The following PRRG1 variants were observed in gnomAD, a reference collection of about 807,000 sequenced individuals.
PRRG1 encodes the protein transmembrane gamma-carboxyglutamic acid protein 1.
Under a neutral mutation model 11.8 loss-of-function variants are expected in PRRG1, and 5 were observed. That is an observed-to-expected ratio of 0.42 (90% CI 0.22 to 0.89). The LOEUF (loss-of-function observed/expected upper bound fraction) is 0.89, where lower values mean the gene tolerates loss of function less well. Ranked by LOEUF, PRRG1 falls within the 40% of genes least tolerant of loss-of-function variation. The pLI, the probability that PRRG1 is intolerant of heterozygous loss-of-function variation, is 0.28. For synonymous variants in PRRG1, 66 were observed against 60.4 expected (o/e 1.09, Z -0.43); for missense variants, 155 against 166.1 (o/e 0.93, Z 0.37).
chrX:37,352,243 C>T (rs1930091908), intron 1 of PRRG1, among the ~76,000 whole-genome samples: 1 of 112,819 alleles, frequency 8.9e-6, no homozygotes, highest in Non-Finnish European at 1.9e-5. Context: ...GTCTAGCCTT[C>T]TGTGCCTGCA....
intron 1 of PRRG1, among the ~76,000 whole-genome samples, chrX:37,389,269 G>A (rs1931443822): frequency 9.0e-6 from 1 of 111,579 alleles, no homozygotes; most frequent in Non-Finnish European, 1.9e-5. Context: ...TTCCACCTCT[G>A]CCCATTACCT....
chrX:37,433,145 G>A (rs1016332503), intron 3 of PRRG1, among the ~76,000 whole-genome samples: 1 of 111,712 alleles, frequency 9.0e-6, no homozygotes, highest in Non-Finnish European at 1.9e-5. Context: ...CAAAACAGCA[G>A]GTTAGAGTGA....
Position 37,455,500 on chromosome X carries a change from G to A in PRRG1, c.*1879G>A, listed in dbSNP as rs369058849. Reference sequence around the variant, plus strand: ...AACATATTCCTAATCTGAGTGTGTGGGCTGTTAGAGAACCCCTGCCATGCT... The same window carrying A: ...AACATATTCCTAATCTGAGTGTGTGAGCTGTTAGAGAACCCCTGCCATGCT... On this transcript the variant is annotated 3_prime_UTR_variant, in exon 4 of 4. Transcript: ENST00000378628. 2.9e-4 allele frequency: 32 copies of A among 111,944 alleles called. 1 individual carries two copies. In the East Asian group the frequency reaches 3.9e-3, roughly 14 times the overall value. 9.2% of individuals were successfully genotyped at this position (111,944 alleles called of 1,213,427 possible).
intron 1 of PRRG1, among the ~76,000 whole-genome samples, chrX:37,400,330 A>G (rs1931922840): frequency 8.9e-6 from 1 of 111,823 alleles, no homozygotes; most frequent in African/African-American, 3.3e-5. Context: ...TAAGAAACAC[A>G]CTCAAAACCG....
At chrX:37,407,006 C>T (rs782730534) in intron 2 of PRRG1, among the ~76,000 whole-genome samples, 4 of 111,996 alleles carry the variant, frequency 3.6e-5, no homozygotes, top group Non-Finnish European at 7.5e-5. Flanking sequence ...GGGGATCACT[C>T]GAATAGACAA....
At chrX:37,409,536 T>A (rs1283802337) in intron 2 of PRRG1, among the ~76,000 whole-genome samples, 2 of 112,462 alleles carry the variant, frequency 1.8e-5, no homozygotes, top group Non-Finnish European at 3.8e-5. Flanking sequence ...TACAGAAGCT[T>A]GTGATAGCAT....
chrX:37,451,406 T>C (rs1418002322), intron 3 of PRRG1, among the ~76,000 whole-genome samples: 1 of 112,713 alleles, frequency 8.9e-6, no homozygotes, highest in Non-Finnish European at 1.9e-5. Context: ...GTTAATGATG[T>C]GTAATTTTAG....
chrX:37,446,141 A>T (rs1228550516), intron 3 of PRRG1, among the ~76,000 whole-genome samples: 1 of 112,310 alleles, frequency 8.9e-6, no homozygotes, highest in East Asian at 2.8e-4. Context: ...AAAGCAATAT[A>T]CTGTATTAAT....
At chrX:37,423,740 A>G (rs1556387681) in intron 2 of PRRG1, among the ~76,000 whole-genome samples, 1 of 110,454 alleles carries the variant, frequency 9.1e-6, no homozygotes, top group African/African-American at 3.3e-5. Context: ...GATAAAGTCT[A>G]CAGTAGTCTA....
Position 37,391,524 on chromosome X carries a change from T to C in PRRG1, c.-41-14685T>C, listed in dbSNP as rs192079072. On this transcript the variant is annotated intron_variant, in intron 1 of 3. Coordinates refer to ENST00000378628, the MANE Select transcript of PRRG1 (RefSeq NM_001142395.2). ...TCGAGGAGAAACGAGTTTATATGTG[T>C]GGTGGAGAAAATATTTGTTTTTAGA... 6.7e-3 allele frequency among the ~76,000 whole-genome samples: 750 copies of C among 111,732 alleles called. 3 individuals are homozygous for C. The highest frequency in any genetic ancestry group is 0.041 in the Middle Eastern group (9 of 218).
chrX:37,380,404 A>G (rs1247994355), intron 1 of PRRG1, among the ~76,000 whole-genome samples: 2 of 111,897 alleles, frequency 1.8e-5, no homozygotes, highest in Non-Finnish European at 3.8e-5. Flanking sequence ...TTTAGTGAGG[A>G]CAACATTAGA....
intron 1 of PRRG1, among the ~76,000 whole-genome samples, chrX:37,360,413 GTGT>G (rs1930375944): frequency 8.9e-6 from 1 of 112,127 alleles, no homozygotes; most frequent in Non-Finnish European, 1.9e-5. Flanking sequence ...AATAATCCAT[GTGT>G]TATTTAAAGG....
chrX:37,421,445 G>A (rs782669457), intron 2 of PRRG1, among the ~76,000 whole-genome samples: 29 of 111,703 alleles, frequency 2.6e-4, no homozygotes, highest in African/African-American at 8.8e-4. Context: ...CCTGATAGCT[G>A]TAATTTAACT....
At chrX:37,416,572 A>C (rs781871397) in intron 2 of PRRG1, among the ~76,000 whole-genome samples, 7 of 112,047 alleles carry the variant, frequency 6.2e-5, no homozygotes, top group Non-Finnish European at 1.3e-4. Context: ...CAATTGAGGC[A>C]CCAGTAAGAG....
intron 2 of PRRG1, among the ~76,000 whole-genome samples, chrX:37,424,600 T>G (rs1932752189): frequency 9.1e-6 from 1 of 109,979 alleles, no homozygotes; most frequent in South Asian, 4.0e-4. Context: ...ATCTATTCTC[T>G]GAATTTCCTT....
At chrX:37,433,656 A>G (rs782390221) in intron 3 of PRRG1, among the ~76,000 whole-genome samples, 1 of 110,899 alleles carries the variant, frequency 9.0e-6, no homozygotes, top group South Asian at 3.8e-4. Context: ...GTTCATAGCT[A>G]TGGTCCCTAG....
chrX:37,372,101 G>A, intron 1 of PRRG1, among the ~76,000 whole-genome samples: 1 of 112,736 alleles, frequency 8.9e-6, no homozygotes, highest in Non-Finnish European at 1.9e-5. Context: ...CAGTAGTGCT[G>A]AAGATTTCCC....
intron 1 of PRRG1, among the ~76,000 whole-genome samples, chrX:37,397,023 G>A (rs5918511): frequency 0.12 from 13,882 of 111,889 alleles, 686 homozygotes; most frequent in African/African-American, 0.18. Context: ...ATAAAATAGC[G>A]TGTGGCAAAT....
chrX:37,441,580 G>A (rs1032236183), intron 3 of PRRG1: 53 of 777,982 alleles, frequency 6.8e-5, no homozygotes, highest in Non-Finnish European at 7.7e-5. Flanking sequence ...CTGCGAGGCC[G>A]CTGTCAACAA....
Sources: gnomAD v4.1 joint callset for allele counts (sites outside exome capture counted in the v4.1 genomes callset) on GRCh38, gnomAD v4.1.1 for gene constraint, MANE v1.5 for transcripts, NCBI Gene and HGNC (gene_info 2026-07-23, HGNC 2026-07-21) for gene names.